EPB41L4B: variants seen among roughly 807,000 people sequenced by gnomAD.
EPB41L4B encodes erythrocyte membrane protein band 4.1 like 4B.
Under a neutral mutation model 112.5 loss-of-function variants are expected in EPB41L4B, and 30 were observed. That is an observed-to-expected ratio of 0.27 (90% CI 0.20 to 0.36). The LOEUF (loss-of-function observed/expected upper bound fraction) is 0.36, where lower values mean the gene tolerates loss of function less well. EPB41L4B is among the 10% of genes least tolerant of loss of function. EPB41L4B has a pLI of 1.00. For synonymous variants in EPB41L4B, 408 were observed against 439.7 expected (o/e 0.93, Z 0.90); for missense variants, 1,024 against 1,133.3 (o/e 0.90, Z 1.38).
chr9:109,185,568 C>T lies in EPB41L4B; in HGVS notation c.2339G>A (p.Arg780His), dbSNP rs1244374505. Residue 780 changes from arginine (R) to histidine (H), a missense_variant, in exon 23 of 26, where the codon CGC becomes CAC. Transcript: ENST00000374566. Reference protein sequence around the residue: ...PASNPHCAHSRCSPPLSLPMK... With the variant: ...PASNPHCAHSHCSPPLSLPMK... ...GGGGAGAGAGAGTGGAGGAGAACAGCGAGAGTGGGCACAGTGGGGGTTGCT... is the reference window on the plus strand; with the variant it reads ...GGGGAGAGAGAGTGGAGGAGAACAGTGAGAGTGGGCACAGTGGGGGTTGCT... The T allele has an allele frequency of 1.1e-5, 17 of 1,612,724 alleles. No homozygotes were observed. The highest frequency in any genetic ancestry group is 3.3e-5 in the South Asian group (3 of 90,850).
chr9:109,278,028 C>A (rs551255583), intron 2 of EPB41L4B, among the ~76,000 whole-genome samples: 4 of 152,058 alleles, frequency 2.6e-5, no homozygotes, highest in South Asian at 4.2e-4. Flanking sequence ...CCTGAGGCTA[C>A]CCAGAGGAAG....
intron 1 of EPB41L4B, among the ~76,000 whole-genome samples, chr9:109,296,305 T>C (rs976490141): frequency 6.6e-6 from 1 of 152,178 alleles, no homozygotes; most frequent in Non-Finnish European, 1.5e-5. Context: ...CCATAAGCCA[T>C]GAAGCTTCCA....
chr9:109,186,222 C>G (rs1347168973), intron 22 of EPB41L4B, among the ~76,000 whole-genome samples: 3 of 151,682 alleles, frequency 2.0e-5, no homozygotes, highest in Non-Finnish European at 4.4e-5. Context: ...GAGACTCGCT[C>G]TGTCACCCAG....
At chr9:109,206,912 C>G (rs1484972001) in intron 18 of EPB41L4B, among the ~76,000 whole-genome samples, 6 of 152,222 alleles carry the variant, frequency 3.9e-5, no homozygotes, top group Non-Finnish European at 8.8e-5. Context: ...TTCTTGTGGG[C>G]AGCAGCAGGT....
chr9:109,250,338 C>T (rs1016926927), intron 13 of EPB41L4B, among the ~76,000 whole-genome samples: 13 of 152,132 alleles, frequency 8.5e-5, no homozygotes, highest in Non-Finnish European at 1.8e-4. Context: ...ATCTGCAACC[C>T]GCTCCACCCC....
chr9:109,184,223 A>G (rs770000378), intron 23 of EPB41L4B, among the ~76,000 whole-genome samples: 12 of 152,112 alleles, frequency 7.9e-5, no homozygotes, highest in Admixed American at 3.3e-4. Context: ...AAAGTGGTTT[A>G]TTTATTTATT....
intron 1 of EPB41L4B, chr9:109,300,708 C>A (rs1419596106): frequency 6.6e-6 from 1 of 152,114 alleles, no homozygotes; most frequent in East Asian, 1.9e-4. Context: ...ATCGCTTGAA[C>A]CCCGGAGATG....
At chr9:109,274,031 C>G (rs982792168) in intron 2 of EPB41L4B, among the ~76,000 whole-genome samples, 1 of 152,162 alleles carries the variant, frequency 6.6e-6, no homozygotes, top group South Asian at 2.1e-4. Flanking sequence ...TTGAACCCTC[C>G]CAGCAGGCGC....
intron 15 of EPB41L4B, chr9:109,241,445 GC>G (rs1207189242): frequency 7.5e-7 from 1 of 1,325,624 alleles, no homozygotes; most frequent in Non-Finnish European, 9.6e-7. Flanking sequence ...TGATTCCTGA[GC>G]CTTTACCTTC....
At chr9:109,244,247 T>A (rs1834458455) in intron 14 of EPB41L4B, among the ~76,000 whole-genome samples, 1 of 148,204 alleles carries the variant, frequency 6.7e-6, no homozygotes, top group East Asian at 2.0e-4. Context: ...CAAAACAAAA[T>A]ACCAAAACAA....
At chr9:109,176,389 G>A (rs1339652345) in intron 25 of EPB41L4B, among the ~76,000 whole-genome samples, 162 bp downstream of exon 25, 1 of 152,164 alleles carries the variant, frequency 6.6e-6, no homozygotes, top group Non-Finnish European at 1.5e-5. Context: ...ACAGATGAGA[G>A]CCACCGCACC....
At chr9:109,192,399 T>A in intron 21 of EPB41L4B, 44 bp from the exon 22 acceptor site, 2 of 1,472,558 alleles carry the variant, frequency 1.4e-6, no homozygotes, top group Non-Finnish European at 9.3e-7. Context: ...CGGCACTGCA[T>A]TGATGATAAA....
chr9:109,303,841 C>A (rs1172710816), intron 1 of EPB41L4B, among the ~76,000 whole-genome samples: 1 of 151,902 alleles, frequency 6.6e-6, no homozygotes, highest in African/African-American at 2.4e-5. Flanking sequence ...ACTGATATGA[C>A]CGGATAAGTT....
chr9:109,271,788 GA>G (rs1368768162), intron 2 of EPB41L4B, among the ~76,000 whole-genome samples: 1 of 152,186 alleles, frequency 6.6e-6, no homozygotes, highest in African/African-American at 2.4e-5. Flanking sequence ...GTGCAATTCT[GA>G]GTTCAAATGG....
At chr9:109,307,220 AT>A in intron 1 of EPB41L4B, 1 of 493,944 alleles carries the variant, frequency 2.0e-6, no homozygotes, top group Non-Finnish European at 4.0e-6. Context: ...ACAGCATTAA[AT>A]TTTTCCTTTT....
intron 7 of EPB41L4B, 113 bp downstream of exon 7, chr9:109,258,064 G>C: frequency 8.6e-7 from 1 of 1,167,396 alleles, no homozygotes; most frequent in Non-Finnish European, 1.2e-6. Flanking sequence ...AGTTGGCGCT[G>C]CAGTTTTATG....
chr9:109,302,660 G>GA (rs1430954914), intron 1 of EPB41L4B, among the ~76,000 whole-genome samples: 1 of 152,036 alleles, frequency 6.6e-6, no homozygotes, highest in Non-Finnish European at 1.5e-5. Flanking sequence ...TGAGGACTAA[G>GA]AACACACCCG....
At chr9:109,310,800 A>G (rs576529517) in intron 1 of EPB41L4B, among the ~76,000 whole-genome samples, 4 of 152,352 alleles carry the variant, frequency 2.6e-5, no homozygotes, top group Non-Finnish European at 5.9e-5. Context: ...TCCACAATCC[A>G]TGAATGGATA....
intron 2 of EPB41L4B, among the ~76,000 whole-genome samples, chr9:109,271,547 C>T (rs943445382): frequency 6.6e-6 from 1 of 152,168 alleles, no homozygotes; most frequent in Non-Finnish European, 1.5e-5. Context: ...TGTTTTATCC[C>T]ACAAGACCAC....
Sources: gnomAD v4.1 joint callset for allele counts (sites outside exome capture counted in the v4.1 genomes callset) on GRCh38, gnomAD v4.1.1 for gene constraint, MANE v1.5 for transcripts, NCBI Gene and HGNC (gene_info 2026-07-23, HGNC 2026-07-21) for gene names.